The following PABPC4L variants were observed in gnomAD, a reference collection of about 807,000 sequenced individuals.
PABPC4L encodes poly(A) binding protein cytoplasmic 4 like, also known as polyadenylate-binding protein 4-like.
For missense variants in PABPC4L, 452 were observed against 451.4 expected, an observed-to-expected ratio of 1.00 and a Z score of -0.01; for synonymous variants, 169 against 164.1, an observed-to-expected ratio of 1.03 and a Z score of -0.23.
the PABPC4L span, among the ~76,000 whole-genome samples, chr4:134,077,784 T>C: frequency 1.3e-5 from 2 of 152,226 alleles, no homozygotes; most frequent in Non-Finnish European, 1.5e-5. Context: ...AAGGTTGTTT[T>C]TAATATAAAA....
chr4:134,168,315 G>A, the PABPC4L span, among the ~76,000 whole-genome samples: 1 of 151,842 alleles, frequency 6.6e-6, no homozygotes, highest in Non-Finnish European at 1.5e-5. Flanking sequence ...ATGCCTACAT[G>A]AAAATAGTAG....
the PABPC4L span, among the ~76,000 whole-genome samples, chr4:134,009,252 C>A: frequency 1.3e-5 from 2 of 151,868 alleles, no homozygotes; most frequent in Non-Finnish European, 2.9e-5. Flanking sequence ...TTTTAAAACA[C>A]CCAAAAGAAT....
downstream of PABPC4L, among the ~76,000 whole-genome samples, chr4:134,193,889 T>A (rs1009887701): frequency 1.3e-5 from 2 of 151,930 alleles, no homozygotes; most frequent in Non-Finnish European, 1.5e-5. Context: ...GTGGCGTAGA[T>A]CTTGAAACTT....
the PABPC4L span, among the ~76,000 whole-genome samples, chr4:134,107,423 T>C: frequency 6.6e-6 from 1 of 151,662 alleles, no homozygotes; most frequent in African/African-American, 2.4e-5. Context: ...CTGTTTAATT[T>C]AGTTAAAACG....
At chr4:134,188,251 G>C in the PABPC4L span, among the ~76,000 whole-genome samples, 1 of 151,816 alleles carries the variant, frequency 6.6e-6, no homozygotes, top group Non-Finnish European at 1.5e-5. Flanking sequence ...CCATGAAGTG[G>C]GTAATATCCA....
At chr4:134,032,830 ATACT>A in the PABPC4L span, among the ~76,000 whole-genome samples, 8 of 151,914 alleles carry the variant, frequency 5.3e-5, no homozygotes, top group African/African-American at 1.9e-4. Context: ...ATCAAAGATA[ATACT>A]TACTTTATTA....
the PABPC4L span, among the ~76,000 whole-genome samples, chr4:134,043,518 A>G: frequency 6.6e-6 from 1 of 152,282 alleles, no homozygotes; most frequent in East Asian, 1.9e-4. Flanking sequence ...GTAATGGAAA[A>G]AAACACAATT....
chr4:133,953,478 A>G, the PABPC4L span, among the ~76,000 whole-genome samples: 1 of 152,208 alleles, frequency 6.6e-6, no homozygotes, highest in Admixed American at 6.5e-5. Flanking sequence ...TTACAAAATT[A>G]ACATTTAAAA....
chr4:133,950,892 T>C, the PABPC4L span, among the ~76,000 whole-genome samples: 1 of 152,158 alleles, frequency 6.6e-6, no homozygotes, highest in Admixed American at 6.5e-5. Flanking sequence ...TATTTTCCCC[T>C]ACTATTTATT....
chr4:134,124,395 T>C, the PABPC4L span, among the ~76,000 whole-genome samples: 104,051 of 151,824 alleles, frequency 0.69, 36,784 homozygotes, highest in East Asian at 1. Flanking sequence ...TGGAGCTTGC[T>C]GGGTCCCCAA....
At chr4:134,121,355 A>C in the PABPC4L span, among the ~76,000 whole-genome samples, 1 of 151,456 alleles carries the variant, frequency 6.6e-6, no homozygotes, top group African/African-American at 2.4e-5. Flanking sequence ...ATTTTATTGA[A>C]TGTTGAACAT....
At chr4:134,060,655 T>G in the PABPC4L span, among the ~76,000 whole-genome samples, 3 of 151,810 alleles carry the variant, frequency 2.0e-5, no homozygotes, top group Non-Finnish European at 2.9e-5. Context: ...ACCCATCACC[T>G]GGTGACTAAA....
At chr4:133,970,035 ATATTTATT>A in the PABPC4L span, among the ~76,000 whole-genome samples, 10 of 147,108 alleles carry the variant, frequency 6.8e-5, no homozygotes, top group African/African-American at 2.5e-4. Context: ...AAATATATAT[ATATTTATT>A]TATTTATTTA....
At chr4:134,008,544 G>C in the PABPC4L span, among the ~76,000 whole-genome samples, 1 of 151,484 alleles carries the variant, frequency 6.6e-6, no homozygotes, top group Non-Finnish European at 1.5e-5. Context: ...ATTATAGAAA[G>C]GGGTGAAACT....
chr4:133,975,447 C>T, the PABPC4L span, among the ~76,000 whole-genome samples: 1 of 152,026 alleles, frequency 6.6e-6, no homozygotes, highest in Non-Finnish European at 1.5e-5. Context: ...CTAAAACTCA[C>T]TAAATTGTGC....
At chr4:134,097,593 C>T in the PABPC4L span, among the ~76,000 whole-genome samples, 12 of 151,832 alleles carry the variant, frequency 7.9e-5, no homozygotes, top group African/African-American at 1.9e-4. Flanking sequence ...CAAACACATG[C>T]TCAGGATTGG....
Position 134,200,281 on chromosome 4 carries a change from C to A in PABPC4L, c.739G>T (p.Val247Phe). Residue 247 changes from valine to phenylalanine, a missense_variant, in exon 2 of 2, where the codon GTT becomes TTT. Transcript: ENST00000421491. ...ATGTCCCTTCCATTCATTTCTTCAA[C>A]AGCTTTCTTGGCAGCCTCATGGCTA... ...FDSHEAAKKA[V>F]EEMNGRDING... 1 of 1,568,372 alleles carries A rather than the reference C, an allele frequency of 6.4e-7. No homozygotes were observed. The highest frequency in any genetic ancestry group is 1.2e-5 in the South Asian group (1 of 85,310).
chr4:134,018,645 T>C, the PABPC4L span, among the ~76,000 whole-genome samples: 1 of 152,300 alleles, frequency 6.6e-6, no homozygotes, highest in Non-Finnish European at 1.5e-5. Context: ...CTTTCTCTTT[T>C]GCCAGGTTAT....
the PABPC4L span, among the ~76,000 whole-genome samples, chr4:134,164,069 C>G: frequency 6.6e-6 from 1 of 150,980 alleles, no homozygotes. Flanking sequence ...CGAGACCATC[C>G]CGGCTAAAAT....
Sources: allele counts gnomAD v4.1 joint callset (sites outside exome capture counted in the v4.1 genomes callset), GRCh38; gene constraint gnomAD v4.1.1; transcripts MANE v1.5; gene names NCBI Gene and HGNC (gene_info 2026-07-23, HGNC 2026-07-21).